Variants in ENPP3 observed in about 807,000 individuals in gnomAD.
The protein encoded by ENPP3 is ectonucleotide pyrophosphatase/phosphodiesterase family member 3.
In ENPP3, 104 loss-of-function variants were observed where a neutral mutation model predicts 117.8. The ratio of observed to expected loss-of-function variants is 0.88; its 90% CI spans 0.75 to 1.04. The LOEUF (loss-of-function observed/expected upper bound fraction) is 1.04. Among genes scored for constraint, ENPP3 ranks in the 50% least tolerant of loss-of-function variants. ENPP3 has a pLI of 0.00. For synonymous variants in ENPP3, 380 were observed against 349.9 expected, an observed-to-expected ratio of 1.09 and a Z score of -0.96; for missense variants, 1,026 against 1,051.9, an observed-to-expected ratio of 0.98 and a Z score of 0.34.
At position 131,733,611 on chromosome 6, in the gene ENPP3, C is replaced by T. The variant is rs1390805787; in HGVS notation, c.1977C>T (p.Pro659=). 2 of 1,613,160 alleles carry T rather than the reference C, an allele frequency of 1.2e-6. No homozygotes were observed. The highest frequency in any genetic ancestry group is 3.3e-4 in the Middle Eastern group (2 of 6,052). Residue 659 remains proline, a synonymous_variant, in exon 21 of 25, where the codon CCC becomes CCT. Transcript: ENST00000357639. Reference sequence around the variant, plus strand: ...AGGGAGACACATCGCCTCTGCCTCCCACTGTCCCAGACTGTCTGCGGGCTG... The same window carrying T: ...AGGGAGACACATCGCCTCTGCCTCCTACTGTCCCAGACTGTCTGCGGGCTG... ...PQLGDTSPLP[P]TVPDCLRADV...
intron 17 of ENPP3, 32 bp from the exon 18 acceptor site, chr6:131,722,195 A>G: frequency 1.9e-6 from 3 of 1,543,304 alleles, no homozygotes; most frequent in Non-Finnish European, 2.7e-6. Context: ...TCCAGTGTAA[A>G]GCTACTTTGA....
chr6:131,742,738 T>C (rs1473156052), intron 24 of ENPP3, among the ~76,000 whole-genome samples: 1 of 152,212 alleles, frequency 6.6e-6, no homozygotes, highest in Non-Finnish European at 1.5e-5. Flanking sequence ...TTGAAATTAC[T>C]TGAACACATC....
At chr6:131,661,904 T>C (rs1318552210) in intron 6 of ENPP3, among the ~76,000 whole-genome samples, 1 of 152,242 alleles carries the variant, frequency 6.6e-6, no homozygotes, top group Non-Finnish European at 1.5e-5. Flanking sequence ...TGGTTTGATA[T>C]AGTCCTACAT....
intron 15 of ENPP3, among the ~76,000 whole-genome samples, chr6:131,696,259 C>T (rs1779402630): frequency 6.6e-6 from 1 of 152,172 alleles, no homozygotes; most frequent in Non-Finnish European, 1.5e-5. Context: ...AAATAAATTT[C>T]AGGCACCTTT....
chr6:131,671,810 G>A (rs1189245599), intron 7 of ENPP3, among the ~76,000 whole-genome samples: 1 of 152,186 alleles, frequency 6.6e-6, no homozygotes, highest in African/African-American at 2.4e-5. Flanking sequence ...TAAAAAAGAT[G>A]TAGGTAGAAT....
At chr6:131,718,835 G>C in intron 16 of ENPP3, 97 bp downstream of exon 16, 1 of 666,474 alleles carries the variant, frequency 1.5e-6, no homozygotes, top group Non-Finnish European at 2.6e-6. Context: ...CTGTCATGGG[G>C]GTTTGTCATA....
At chr6:131,717,108 C>T (rs1383590492) in intron 15 of ENPP3, among the ~76,000 whole-genome samples, 3 of 152,148 alleles carry the variant, frequency 2.0e-5, no homozygotes, top group Admixed American at 6.5e-5. Context: ...ACTTGTCTTG[C>T]TTTCCCCATT....
intron 12 of ENPP3, among the ~76,000 whole-genome samples, 179 bp from the exon 13 acceptor site, chr6:131,685,185 A>T (rs1248146479): frequency 6.6e-6 from 1 of 152,136 alleles, no homozygotes; most frequent in Non-Finnish European, 1.5e-5. Context: ...CTCAAACATG[A>T]CCCTTCTCCA....
intron 15 of ENPP3, 69 bp downstream of exon 15, chr6:131,693,693 C>T (rs1779341719): frequency 6.9e-7 from 1 of 1,454,104 alleles, no homozygotes; most frequent in African/African-American, 1.4e-5. Context: ...TCTACTTAAC[C>T]TTACCCTGCT....
At position 131,679,005 on chromosome 6, in the gene ENPP3, C is replaced by T. The variant is rs13216819; in HGVS notation, c.1011+1065C>T. On this transcript the variant is annotated intron_variant, in intron 11 of 24. Transcript: ENST00000357639. Reference sequence around the variant, plus strand: ...TCCTTCCTTCCTTCCTTCCTTGCTTCCTTCCTTCCTTCCTTCCTTCCTTCT... The same window carrying T: ...TCCTTCCTTCCTTCCTTCCTTGCTTTCTTCCTTCCTTCCTTCCTTCCTTCT... Among the ~76,000 whole-genome samples, 24 of 82,874 alleles carry T rather than the reference C, an allele frequency of 2.9e-4. 1 individual carries two copies. The highest frequency in any genetic ancestry group is 1.2e-3 in the African/African-American group (22 of 18,664). The allele number at this position is 82,874 out of a possible 152,430, so 54.4% of individuals were successfully genotyped here. A position where few individuals can be genotyped will look rare whatever the true frequency, so the allele number is the denominator to read the frequency against.
intron 15 of ENPP3, among the ~76,000 whole-genome samples, chr6:131,717,072 C>T (rs1254188185): frequency 6.6e-6 from 1 of 152,092 alleles, no homozygotes; most frequent in Non-Finnish European, 1.5e-5. Context: ...CTTAGGATAT[C>T]AAACTTAATT....
At chr6:131,670,715 A>G (rs1402413509) in intron 6 of ENPP3, among the ~76,000 whole-genome samples, 1 of 151,838 alleles carries the variant, frequency 6.6e-6, no homozygotes, top group Non-Finnish European at 1.5e-5. Context: ...TTGGCCTCAA[A>G]CTCTTGAGCT....
At chr6:131,640,556 T>A (rs981757763) in intron 1 of ENPP3, among the ~76,000 whole-genome samples, 3 of 152,176 alleles carry the variant, frequency 2.0e-5, no homozygotes, top group Admixed American at 6.5e-5. Context: ...CTCAAAAAAA[T>A]AATTTATGTA....
At position 131,661,790 on chromosome 6, in the gene ENPP3, G is replaced by A. The variant is rs141550944; in HGVS notation, c.562+3370G>A. ...TTGTAGAAGTTCCTTATATATTTTC[G>A]AAATTAACTTCCTATCAGATACATG... is the stretch of plus-strand genomic sequence containing the variant. On this transcript the variant is annotated intron_variant, in intron 6 of 24. Transcript: ENST00000357639. Among the ~76,000 whole-genome samples, 303 of 152,106 alleles carry A rather than the reference G, an allele frequency of 2.0e-3. 1 individual carries two copies. Among genetic ancestry groups the A allele is most frequent in the African/African-American group, 6.9e-3 (288 of 41,504 alleles).
At chr6:131,660,922 A>G (rs934996662) in intron 6 of ENPP3, among the ~76,000 whole-genome samples, 2 of 152,098 alleles carry the variant, frequency 1.3e-5, no homozygotes, top group Admixed American at 6.6e-5. Context: ...CCACCATCCT[A>G]TTCTTTGCTT....
At chr6:131,730,120 T>A (rs561606067) in intron 20 of ENPP3, among the ~76,000 whole-genome samples, 1 of 152,342 alleles carries the variant, frequency 6.6e-6, no homozygotes, top group South Asian at 2.1e-4. Context: ...TTATATACTG[T>A]ATATTTCTTC....
intron 2 of ENPP3, among the ~76,000 whole-genome samples, chr6:131,641,996 C>T (rs1332660813): frequency 6.6e-6 from 1 of 151,560 alleles, no homozygotes; most frequent in African/African-American, 2.4e-5. Context: ...GGTTTCACTA[C>T]ATTGCCCAGG....
In ENPP3 at chr6:131,726,211, G is replaced by A. The variant is rs986691663; in HGVS notation, c.1953+11G>A. 3 of 1,611,236 alleles carry A rather than the reference G, an allele frequency of 1.9e-6. No homozygotes were observed. The highest frequency in any genetic ancestry group is 1.3e-5 in the African/African-American group (1 of 74,940). Reference sequence around the variant, plus strand: ...ACAGTCCCCCAGTTGGTAAGTTCCTGAGTCCATTGATCCATGCAGGCAAGA... The same window carrying A: ...ACAGTCCCCCAGTTGGTAAGTTCCTAAGTCCATTGATCCATGCAGGCAAGA... On this transcript the variant is annotated intron_variant, in intron 20 of 24. Coordinates refer to ENST00000357639, the MANE Select transcript of ENPP3 (RefSeq NM_005021.5).
chr6:131,682,883 T>C (rs1217127379), intron 11 of ENPP3, among the ~76,000 whole-genome samples, 171 bp from the exon 12 acceptor site: 1 of 152,212 alleles, frequency 6.6e-6, no homozygotes, highest in Non-Finnish European at 1.5e-5. Context: ...ATTTAGGGAA[T>C]TGGTATTTGA....
Sources: allele counts gnomAD v4.1 joint callset (sites outside exome capture counted in the v4.1 genomes callset), GRCh38; gene constraint gnomAD v4.1.1; transcripts MANE v1.5; gene names NCBI Gene and HGNC (gene_info 2026-07-23, HGNC 2026-07-21).